ATP11A: variants seen among roughly 807,000 people sequenced by gnomAD.
ATP11A encodes ATPase phospholipid transporting 11A.
Under a neutral mutation model 154.4 loss-of-function variants are expected in ATP11A, and 81 were observed. The observed-to-expected ratio is 0.52, with a 90% CI of 0.44 to 0.63. The LOEUF is 0.63. Among genes scored for constraint, ATP11A ranks in the 30% least tolerant of loss-of-function variants. The probability of loss-of-function intolerance (pLI) is 0.00; values close to 1 mark genes in which losing one functional copy is unlikely to be tolerated. For missense variants in ATP11A, 1,316 were observed against 1,474.3 expected, an observed-to-expected ratio of 0.89 and a Z score of 1.76; for synonymous variants, 623 against 585.9, an observed-to-expected ratio of 1.06 and a Z score of -0.91.
At chr13:112,748,253 G>C (rs1892401398) in intron 1 of ATP11A, among the ~76,000 whole-genome samples, 1 of 152,238 alleles carries the variant, frequency 6.6e-6, no homozygotes, top group Non-Finnish European at 1.5e-5. Flanking sequence ...ACAGAAGCTA[G>C]AAGGCATTTG....
At chr13:112,765,401 T>G (rs2077052816) in intron 1 of ATP11A, among the ~76,000 whole-genome samples, 2 of 152,122 alleles carry the variant, frequency 1.3e-5, no homozygotes, top group African/African-American at 4.8e-5. Flanking sequence ...TGGTGCAGCC[T>G]CCTCCGGGCA....
intron 25 of ATP11A, among the ~76,000 whole-genome samples, chr13:112,867,619 C>T (rs1049272659): frequency 6.6e-6 from 1 of 152,244 alleles, no homozygotes; most frequent in African/African-American, 2.4e-5. Flanking sequence ...TCAGTGGGCA[C>T]TGTGGCTCTG....
At position 112,862,500 on chromosome 13, in the gene ATP11A, A is replaced by G; in HGVS notation, c.2916A>G (p.Gly972=). 1.2e-6 allele frequency: 2 copies of G among 1,614,168 alleles called. No individual in the cohort carries two copies. Among genetic ancestry groups the G allele is most frequent in the South Asian group, 1.1e-5 (1 of 91,088 alleles). The stretch of plus-strand genomic sequence containing the variant: ...TGTTCATCTACTGGACGCTCCTGGG[A>G]CTGTTTGACGCACTGGTGTTCTTCT... The part of the protein sequence containing the change: ...WRVFIYWTLL[G]LFDALVFFFG... Residue 972 remains glycine, a synonymous_variant, in exon 25 of 30, where the codon GGA becomes GGG. Transcript: ENST00000375645.
At chr13:112,833,768 G>C (rs2079158932) in intron 14 of ATP11A, among the ~76,000 whole-genome samples, 1 of 152,230 alleles carries the variant, frequency 6.6e-6, no homozygotes, top group African/African-American at 2.4e-5. Flanking sequence ...CACATGCGTA[G>C]GTGAGGCTTC....
intron 4 of ATP11A, 73 bp downstream of exon 4, chr13:112,806,366 G>T: frequency 1.6e-6 from 2 of 1,242,910 alleles, no homozygotes; most frequent in East Asian, 2.3e-5. Context: ...TCAAAGCGAG[G>T]TGATTGGTTT....
At chr13:112,878,136 C>T (rs2080784117) in intron 28 of ATP11A, 81 bp from the exon 29 acceptor site, 1 of 1,297,946 alleles carries the variant, frequency 7.7e-7, no homozygotes, top group African/African-American at 1.5e-5. Flanking sequence ...CCATTTCCTT[C>T]CGTCTTCCGA....
intron 13 of ATP11A, among the ~76,000 whole-genome samples, chr13:112,831,882 A>C (rs1016463154): frequency 1.3e-5 from 2 of 151,894 alleles, no homozygotes; most frequent in Admixed American, 1.3e-4. Flanking sequence ...GCACACACAC[A>C]CATGCAGACA....
chr13:112,702,144 G>C (rs113733811), intron 1 of ATP11A, among the ~76,000 whole-genome samples: 5,401 of 151,914 alleles, frequency 0.036, 293 homozygotes, highest in African/African-American at 0.12. Flanking sequence ...TCAGGAGTTC[G>C]AGATCAGCCT....
chr13:112,873,038 G>A (rs1480066146), intron 26 of ATP11A, among the ~76,000 whole-genome samples: 3 of 66,164 alleles, frequency 4.5e-5, no homozygotes, highest in Non-Finnish European at 9.3e-5. Context: ...GTCTTCTGGA[G>A]CGGTGTGAGG....
At chr13:112,737,211 G>T (rs1162898171) in intron 1 of ATP11A, among the ~76,000 whole-genome samples, 1 of 152,200 alleles carries the variant, frequency 6.6e-6, no homozygotes, top group South Asian at 2.1e-4. Context: ...CCTGGGGGAT[G>T]GAGGCAGAGG....
At chr13:112,779,661 C>G (rs1006882008) in intron 1 of ATP11A, among the ~76,000 whole-genome samples, 2 of 152,198 alleles carry the variant, frequency 1.3e-5, no homozygotes, top group Non-Finnish European at 2.9e-5. Context: ...CGCCTGTCAT[C>G]CCAGCACTTT....
chr13:112,864,544 G>T (rs1190697983), intron 25 of ATP11A, among the ~76,000 whole-genome samples: 1 of 67,378 alleles, frequency 1.5e-5, no homozygotes, highest in Non-Finnish European at 2.8e-5. Flanking sequence ...CACCACCTGC[G>T]CAGTAATTCA....
rs2080523732 is a variant in ATP11A, at chr13:112,871,635, CA to C, written c.2992-99del. On this transcript the variant is annotated intron_variant, in intron 25 of 29. Transcript: ENST00000375645. ...ATATCTTTGGGGTTTGAAGTGTTGG[CA>C]CACAAGAAAAATGAGGTGTATTTTC... 6 of 1,101,250 alleles carry C rather than the reference CA, an allele frequency of 5.4e-6. No individual in the cohort carries two copies. The South Asian group carries it at 6.3e-5, about 12-fold the overall frequency. The allele number at this position is 1,101,250 out of a possible 1,614,324, so 68.2% of individuals were successfully genotyped here.
At chr13:112,836,343 A>G in intron 16 of ATP11A, 92 bp downstream of exon 16, 1 of 712,818 alleles carries the variant, frequency 1.4e-6, no homozygotes, top group South Asian at 2.0e-5. Context: ...TTAAGGATTT[A>G]GGGTTTAAGA....
rs2078975946 is a variant in ATP11A, at chr13:112,827,995, C to T, written c.1221+1104C>T. On this transcript the variant is annotated intron_variant, in intron 12 of 29. Transcript: ENST00000375645. ...TAGGAATATTCTATCTCCTTTGCAA[C>T]AATAGATGGTACATTTTGTGAGCTT... Among the ~76,000 whole-genome samples, 3 of 152,384 alleles carry T rather than the reference C, an allele frequency of 2.0e-5. No individual in the cohort carries two copies. In the South Asian group the frequency reaches 6.2e-4, roughly 32 times the overall value.
chr13:112,772,194 ATT>A (rs1158931643), intron 1 of ATP11A, among the ~76,000 whole-genome samples: 1 of 152,218 alleles, frequency 6.6e-6, no homozygotes, highest in Non-Finnish European at 1.5e-5. Context: ...GACGGAGTTT[ATT>A]ATGTCAACAG....
intron 1 of ATP11A, among the ~76,000 whole-genome samples, chr13:112,715,936 A>G (rs1008944637): frequency 5.3e-5 from 8 of 151,958 alleles, no homozygotes; most frequent in Middle Eastern, 3.4e-3. Flanking sequence ...TTCTCCCACT[A>G]AGGGCTCTCT....
At chr13:112,824,983 A>G (rs530561690) in intron 10 of ATP11A, among the ~76,000 whole-genome samples, 112 of 152,178 alleles carry the variant, frequency 7.4e-4, no homozygotes, top group African/African-American at 2.6e-3. Flanking sequence ...TTTCAGAGTT[A>G]TTTACTTTTC....
At chr13:112,764,211 C>T (rs1471487123) in intron 1 of ATP11A, among the ~76,000 whole-genome samples, 1 of 152,182 alleles carries the variant, frequency 6.6e-6, no homozygotes, top group Non-Finnish European at 1.5e-5. Context: ...ACGGTGGTGC[C>T]TCTGCATTCA....
Sources: allele counts gnomAD v4.1 joint callset (sites outside exome capture counted in the v4.1 genomes callset), GRCh38; gene constraint gnomAD v4.1.1; transcripts MANE v1.5; gene names NCBI Gene and HGNC (gene_info 2026-07-23, HGNC 2026-07-21).